The following ABCC9 variants were observed in gnomAD, a reference collection of about 807,000 sequenced individuals.
ABCC9 encodes ATP binding cassette subfamily C member 9, also known as ATP-binding cassette sub-family C member 9.
Under a neutral mutation model 188.3 loss-of-function variants are expected in ABCC9, and 95 were observed. The observed-to-expected ratio is 0.50, with a 90% CI of 0.43 to 0.60. The LOEUF (loss-of-function observed/expected upper bound fraction) is 0.60. Ranked by LOEUF, ABCC9 falls within the 20% of genes least tolerant of loss-of-function variation. The pLI is 0.00. For missense variants in ABCC9, 1,102 were observed against 1,876.3 expected, an observed-to-expected ratio of 0.59 and a Z score of 7.62; for synonymous variants, 659 against 652.7, an observed-to-expected ratio of 1.01 and a Z score of -0.15.
At chr12:21,806,433 A>G (rs1941851293) in intron 38 of ABCC9, among the ~76,000 whole-genome samples, 1 of 152,202 alleles carries the variant, frequency 6.6e-6, no homozygotes, top group Non-Finnish European at 1.5e-5. Flanking sequence ...AAAGGGAAAA[A>G]CTAAAATTGA....
chr12:21,915,225 ATGTGTGTGTGTGTGTG>A (rs377233626), intron 7 of ABCC9, among the ~76,000 whole-genome samples: 1 of 129,132 alleles, frequency 7.7e-6, no homozygotes, highest in Non-Finnish European at 1.6e-5. Flanking sequence ...TTATATATAT[ATGTGTGTGTGTGTGTG>A]TGTGTGTGTG....
intron 16 of ABCC9, among the ~76,000 whole-genome samples, chr12:21,877,258 C>T (rs1946407180): frequency 6.6e-6 from 1 of 152,104 alleles, no homozygotes; most frequent in South Asian, 2.1e-4. Context: ...GACACACAGA[C>T]ACTAAGTACA....
intron 39 of ABCC9, among the ~76,000 whole-genome samples, chr12:21,802,912 A>C (rs1184544011): frequency 6.6e-6 from 1 of 152,158 alleles, no homozygotes; most frequent in African/African-American, 2.4e-5. Context: ...GTTGTGACTC[A>C]TGACGTGAGG....
At position 21,849,055 on chromosome 12, in the gene ABCC9, C is replaced by T. The variant is rs899627430; in HGVS notation, c.2770-809G>A. 8.5e-5 allele frequency among the ~76,000 whole-genome samples: 13 copies of T among 152,060 alleles called. No individual in the cohort carries two copies. In the South Asian group the frequency reaches 1.2e-3, roughly 15 times the overall value. ...CATTGTGGGTTAAATCAGGTTCTACCGGCTATTCTGGAAAACCAACCATTT... is the reference window on the plus strand; with the variant it reads ...CATTGTGGGTTAAATCAGGTTCTACTGGCTATTCTGGAAAACCAACCATTT... On this transcript the variant is annotated intron_variant, in intron 24 of 39. Coordinates refer to ENST00000261200, the MANE Select transcript of ABCC9 (RefSeq NM_020297.4).
intron 33 of ABCC9, 152 bp from the exon 34 acceptor site, chr12:21,816,045 T>TTTTTG: frequency 2.0e-5 from 1 of 48,958 alleles, no homozygotes; most frequent in Non-Finnish European, 3.5e-5. Flanking sequence ...AGTTTTTTTT[T>TTTTTG]TTTTTTTTTT....
chr12:21,804,556 ATTGAG>A (rs1941708462), intron 39 of ABCC9, among the ~76,000 whole-genome samples: 1 of 152,338 alleles, frequency 6.6e-6, no homozygotes, highest in African/African-American at 2.4e-5. Context: ...CTTAATATGA[ATTGAG>A]TTAATTGGGT....
intron 22 of ABCC9, among the ~76,000 whole-genome samples, chr12:21,858,239 T>A (rs941066327): frequency 2.0e-5 from 3 of 152,034 alleles, no homozygotes; most frequent in African/African-American, 7.2e-5. Context: ...ATCCCAAGGT[T>A]CAAGAAGTCA....
Position 21,921,303 on chromosome 12 carries a change from A to C in ABCC9, c.407-4200T>G, listed in dbSNP as rs532662322. Among the ~76,000 whole-genome samples, 16 of 152,052 alleles carry C rather than the reference A, an allele frequency of 1.1e-4. No individual in the cohort carries two copies. The South Asian group carries it at 3.1e-3, about 30-fold the overall frequency. ...ATGATATCTCATTGTAGTTTTGATA[A>C]GCATTTCTCCGATGATCAGTGATAT... is the stretch of plus-strand genomic sequence containing the variant. On this transcript the variant is annotated intron_variant, in intron 5 of 39. Transcript: ENST00000261200.
chr12:21,817,427 A>C, intron 32 of ABCC9, 120 bp from the exon 33 acceptor site: 22 of 896,702 alleles, frequency 2.5e-5, no homozygotes, highest in Non-Finnish European at 3.7e-5. Context: ...GATACAACTC[A>C]TAAGTGCTAC....
intron 35 of ABCC9, 61 bp downstream of exon 35, chr12:21,814,583 T>C (rs933674604): frequency 8.1e-6 from 11 of 1,359,838 alleles, no homozygotes; most frequent in Admixed American, 5.0e-5. Flanking sequence ...ATTAGGTAAA[T>C]TGATGTTTTT....
intron 18 of ABCC9, among the ~76,000 whole-genome samples, chr12:21,866,284 G>A (rs1945774861): frequency 2.0e-5 from 3 of 152,088 alleles, no homozygotes; most frequent in Admixed American, 2.0e-4. Flanking sequence ...ACTGAAAAAG[G>A]TTTAAACAAG....
chr12:21,841,869 T>C (rs1435450580), intron 29 of ABCC9, among the ~76,000 whole-genome samples: 1 of 152,212 alleles, frequency 6.6e-6, no homozygotes, highest in Admixed American at 6.5e-5. Context: ...GATTTCATTA[T>C]GTTTCATATA....
chr12:21,909,161 A>C (rs1200455644), intron 10 of ABCC9, among the ~76,000 whole-genome samples: 2 of 151,946 alleles, frequency 1.3e-5, no homozygotes, highest in African/African-American at 4.8e-5. Context: ...ACTTAAAATT[A>C]CACCATCTAG....
chr12:21,932,339 A>G (rs1214602276), intron 4 of ABCC9, among the ~76,000 whole-genome samples: 2 of 152,086 alleles, frequency 1.3e-5, no homozygotes, highest in African/African-American at 2.4e-5. Flanking sequence ...AAGCAATACC[A>G]TTCAGGACAT....
At chr12:21,934,276 G>A (rs573294012) in intron 3 of ABCC9, among the ~76,000 whole-genome samples, 1 of 151,974 alleles carries the variant, frequency 6.6e-6, no homozygotes, top group Admixed American at 6.6e-5. Flanking sequence ...ATGAAATTTG[G>A]TGTAGAAAAT....
At position 21,815,905 on chromosome 12, in the gene ABCC9, G is replaced by A. The variant is rs573503531; in HGVS notation, c.3893-12C>T. 4.0e-5 allele frequency: 65 copies of A among 1,611,540 alleles called. No individual in the cohort carries two copies. The South Asian group carries it at 6.8e-4, about 17-fold the overall frequency. On this transcript the variant is annotated splice_polypyrimidine_tract_variant and intron_variant, in intron 33 of 39. Coordinates refer to ENST00000261200, the MANE Select transcript of ABCC9 (RefSeq NM_020297.4). ...AACTTGAGAAGGATCTGGAGGATGGGATGGGGAAATAGACAGATAATAGGC... is the reference window on the plus strand; with the variant it reads ...AACTTGAGAAGGATCTGGAGGATGGAATGGGGAAATAGACAGATAATAGGC...
chr12:21,829,893 T>G lies in ABCC9; in HGVS notation c.3567-833A>C, dbSNP rs114913153. Among the ~76,000 whole-genome samples the G allele has an allele frequency of 7.2e-3, 1,094 of 152,300 alleles. 12 individuals carry two copies. Among genetic ancestry groups the G allele is most frequent in the African/African-American group, 0.025 (1,057 of 41,554 alleles). ...CAAAAATATACTTTTAAAATTATCT[T>G]TTTGCCTAATATTTCTGGGAACCAA... On this transcript the variant is annotated intron_variant, in intron 30 of 39. Transcript: ENST00000261200.
At chr12:21,871,158 A>T (rs965519675) in intron 18 of ABCC9, among the ~76,000 whole-genome samples, 1 of 152,210 alleles carries the variant, frequency 6.6e-6, no homozygotes, top group Non-Finnish European at 1.5e-5. Context: ...AAGCTACACA[A>T]TGTAATTAAA....
In ABCC9 at chr12:21,929,471, T is replaced by TA. The variant is rs767497118; in HGVS notation, c.285-3409dup. On this transcript the variant is annotated intron_variant, in intron 4 of 39. Coordinates refer to ENST00000261200, the MANE Select transcript of ABCC9 (RefSeq NM_020297.4). ...TACTAGCTTTAAATGCTTCTATTACTAAAAAAAAAATCAAATATTCTATTA... is the reference window on the plus strand; with the variant it reads ...TACTAGCTTTAAATGCTTCTATTACTAAAAAAAAAAATCAAATATTCTATTA... 3.8e-3 allele frequency among the ~76,000 whole-genome samples: 568 copies of TA among 149,486 alleles called. 2 individuals are homozygous for TA. The highest frequency in any genetic ancestry group is 0.013 in the African/African-American group (523 of 40,956).
Sources: gnomAD v4.1 joint callset for allele counts (sites outside exome capture counted in the v4.1 genomes callset) on GRCh38, gnomAD v4.1.1 for gene constraint, MANE v1.5 for transcripts, NCBI Gene and HGNC (gene_info 2026-07-23, HGNC 2026-07-21) for gene names.